Variants in PTPRO observed in about 807,000 individuals in gnomAD.
PTPRO encodes protein tyrosine phosphatase receptor type O.
A neutral mutation model predicts 145.2 loss-of-function variants in PTPRO; 62 were observed. That is an observed-to-expected ratio of 0.43 (90% CI 0.35 to 0.53). The LOEUF (loss-of-function observed/expected upper bound fraction) is 0.53, where lower values mean the gene tolerates loss of function less well. Ranked by LOEUF, PTPRO falls within the 20% of genes least tolerant of loss-of-function variation. The pLI is 0.01. For missense variants in PTPRO, 1,345 were observed against 1,482.7 expected (o/e 0.91, Z 1.53); for synonymous variants, 565 against 514.7 (o/e 1.10, Z -1.32).
At chr12:15,372,956 G>T (rs1938574444) in intron 1 of PTPRO, among the ~76,000 whole-genome samples, 1 of 152,058 alleles carries the variant, frequency 6.6e-6, no homozygotes, top group South Asian at 2.1e-4. Flanking sequence ...TTTGTCAGTT[G>T]ATTAATTGGA....
intron 12 of PTPRO, among the ~76,000 whole-genome samples, chr12:15,537,524 A>G (rs1420750357): frequency 6.6e-6 from 1 of 152,182 alleles, no homozygotes; most frequent in Non-Finnish European, 1.5e-5. Flanking sequence ...AAGATGAGGA[A>G]TGAGAATTGA....
chr12:15,381,357 C>G (rs1938856365), intron 1 of PTPRO, among the ~76,000 whole-genome samples: 1 of 152,124 alleles, frequency 6.6e-6, no homozygotes, highest in Non-Finnish European at 1.5e-5. Context: ...ATGTCCTACT[C>G]AGAGCAATTT....
At chr12:15,524,636 T>G (rs1356757615) in intron 10 of PTPRO, among the ~76,000 whole-genome samples, 178 bp from the exon 11 acceptor site, 1 of 151,044 alleles carries the variant, frequency 6.6e-6, no homozygotes, top group Non-Finnish European at 1.5e-5. Flanking sequence ...ATTAAACAAG[T>G]GCCCATCCTG....
intron 6 of PTPRO, among the ~76,000 whole-genome samples, chr12:15,506,185 C>T (rs1942317131): frequency 6.6e-6 from 1 of 152,168 alleles, no homozygotes; most frequent in Non-Finnish European, 1.5e-5. Context: ...CTCTGTGCCC[C>T]CACTACACTA....
At chr12:15,329,761 T>C (rs903039400) in intron 1 of PTPRO, among the ~76,000 whole-genome samples, 1 of 152,150 alleles carries the variant, frequency 6.6e-6, no homozygotes, top group Non-Finnish European at 1.5e-5. Flanking sequence ...ACACAGATGA[T>C]GGTCATTAGA....
At chr12:15,407,666 C>T (rs761242410) in intron 1 of PTPRO, among the ~76,000 whole-genome samples, 4 of 152,150 alleles carry the variant, frequency 2.6e-5, no homozygotes, top group African/African-American at 7.2e-5. Flanking sequence ...TAACTTTTCT[C>T]TAAAATAACC....
At chr12:15,450,636 T>A (rs567965453) in intron 1 of PTPRO, among the ~76,000 whole-genome samples, 1 of 152,114 alleles carries the variant, frequency 6.6e-6, no homozygotes, top group South Asian at 2.1e-4. Context: ...TAGCTGGGTG[T>A]GTCGTGTGTG....
At chr12:15,583,246 C>T (rs189263934) in intron 23 of PTPRO, among the ~76,000 whole-genome samples, 1 of 152,250 alleles carries the variant, frequency 6.6e-6, no homozygotes. Flanking sequence ...CTTTGAGAGG[C>T]TGAGGCGAGC....
At chr12:15,438,049 C>G (rs1001511056) in intron 1 of PTPRO, among the ~76,000 whole-genome samples, 8 of 152,184 alleles carry the variant, frequency 5.3e-5, no homozygotes, top group African/African-American at 1.9e-4. Flanking sequence ...GTAGGACAAA[C>G]TTCACAGCCC....
chr12:15,369,569 G>A (rs914170024), intron 1 of PTPRO, among the ~76,000 whole-genome samples: 2 of 152,096 alleles, frequency 1.3e-5, no homozygotes, highest in African/African-American at 4.8e-5. Flanking sequence ...TTCTCAATTT[G>A]ATACCTAACG....
intron 12 of PTPRO, among the ~76,000 whole-genome samples, chr12:15,542,963 T>A (rs1426468407): frequency 6.6e-6 from 1 of 152,210 alleles, no homozygotes; most frequent in East Asian, 1.9e-4. Flanking sequence ...AATCTAATTA[T>A]AAGCACTCCC....
At position 15,465,011 on chromosome 12, in the gene PTPRO, A is replaced by G. The variant is rs1212076173; in HGVS notation, c.76-18963A>G. 2.0e-5 allele frequency among the ~76,000 whole-genome samples: 3 copies of G among 152,230 alleles called. No homozygotes were observed. In the East Asian group the frequency reaches 5.8e-4, roughly 29 times the overall value. ...GCAAGCAATAAGAAAATATTTAATG[A>G]TGACATGCCAATTAACAAGTTCAAT... On this transcript the variant is annotated intron_variant, in intron 1 of 26. Coordinates refer to ENST00000281171, the MANE Select transcript of PTPRO (RefSeq NM_030667.3).
chr12:15,476,261 A>G (rs932563355), intron 1 of PTPRO, among the ~76,000 whole-genome samples: 9 of 152,088 alleles, frequency 5.9e-5, no homozygotes, highest in Non-Finnish European at 1.0e-4. Flanking sequence ...CAACCGACAT[A>G]TTACTTGTGT....
At position 15,495,681 on chromosome 12, in the gene PTPRO, G is replaced by A. The variant is rs115584557; in HGVS notation, c.350-1564G>A. Among the ~76,000 whole-genome samples, 1,102 of 152,162 alleles carry A rather than the reference G, an allele frequency of 7.2e-3. 16 individuals carry two copies. The highest frequency in any genetic ancestry group is 0.026 in the African/African-American group (1,063 of 41,488). The stretch of plus-strand genomic sequence containing the variant: ...CCAACTCCAAAAGAATTCAGTCAGT[G>A]CTCTGAAGTAGTGAAATTGGGATCT... On this transcript the variant is annotated intron_variant, in intron 2 of 26. Transcript: ENST00000281171.
intron 1 of PTPRO, among the ~76,000 whole-genome samples, chr12:15,448,342 A>AAAAAAAAAAAAAAAAAAAAAC (rs1940958846): frequency 6.9e-6 from 1 of 145,122 alleles, no homozygotes; most frequent in Admixed American, 6.9e-5. Context: ...TTCCTAGTAA[A>AAAAAAAAAAAAAAAAAAAAAC]AAAAAAAAAA....
At position 15,377,039 on chromosome 12, in the gene PTPRO, A is replaced by G. The variant is rs190752623; in HGVS notation, c.75+54238A>G. ...TATAATGTACAAAGATGTAATTTCT[A>G]TGAAAATAATAATACAAAGAGATGG... On this transcript the variant is annotated intron_variant, in intron 1 of 26. Coordinates refer to ENST00000281171, the MANE Select transcript of PTPRO (RefSeq NM_030667.3). 4.3e-3 allele frequency among the ~76,000 whole-genome samples: 651 copies of G among 152,316 alleles called. 4 individuals carry two copies. Among genetic ancestry groups the G allele is most frequent in the Middle Eastern group, 0.017 (5 of 294 alleles).
intron 17 of PTPRO, among the ~76,000 whole-genome samples, chr12:15,563,627 T>C (rs1430718797): frequency 6.6e-6 from 1 of 152,118 alleles, no homozygotes; most frequent in East Asian, 1.9e-4. Flanking sequence ...TACGTTATAT[T>C]GAAAGTTCAT....
intron 17 of PTPRO, among the ~76,000 whole-genome samples, chr12:15,563,922 T>C (rs1418191609): frequency 6.6e-6 from 1 of 152,192 alleles, no homozygotes; most frequent in Non-Finnish European, 1.5e-5. Flanking sequence ...ACTGAAGTAA[T>C]TGGCTCTTAC....
At chr12:15,530,528 T>C (rs1317711811) in intron 12 of PTPRO, among the ~76,000 whole-genome samples, 3 of 152,188 alleles carry the variant, frequency 2.0e-5, no homozygotes, top group Non-Finnish European at 2.9e-5. Context: ...TCAAGTATCT[T>C]TTCTGACCAC....
Sources: allele counts gnomAD v4.1 joint callset (sites outside exome capture counted in the v4.1 genomes callset), GRCh38; gene constraint gnomAD v4.1.1; transcripts MANE v1.5; gene names NCBI Gene and HGNC (gene_info 2026-07-23, HGNC 2026-07-21).